The following ST6GAL1 variants were observed in gnomAD, a reference collection of about 807,000 sequenced individuals.
ST6GAL1 encodes ST6 beta-galactoside alpha-2,6-sialyltransferase 1, also known as beta-galactoside alpha-2,6-sialyltransferase 1.
A neutral mutation model predicts 38.0 loss-of-function variants in ST6GAL1; 20 were observed. The ratio of observed to expected loss-of-function variants is 0.53; its 90% confidence interval spans 0.37 to 0.77. The LOEUF is 0.77. Ranked by LOEUF, ST6GAL1 falls within the 30% of genes least tolerant of loss-of-function variation. ST6GAL1 has a pLI of 0.00. For missense variants in ST6GAL1, 432 were observed against 496.4 expected (o/e 0.87, Z 1.23); for synonymous variants, 196 against 188.2 (o/e 1.04, Z -0.34).
chr3:186,995,071 TTA>T (rs1180054434), intron 2 of ST6GAL1, among the ~76,000 whole-genome samples: 4 of 152,118 alleles, frequency 2.6e-5, no homozygotes, highest in Non-Finnish European at 5.9e-5. Flanking sequence ...TCCTCAATTA[TTA>T]TATATATATG....
chr3:187,074,242 C>T lies in ST6GAL1; in HGVS notation c.888C>T (p.Leu296=). Residue 296 remains leucine, a synonymous_variant, in exon 7 of 8, where the codon CTC becomes CTT. Coordinates refer to ENST00000169298, the MANE Select transcript of ST6GAL1 (RefSeq NM_173216.2). ...KLHPNQPFYI[L]KPQMPWELWD... is the part of the protein sequence containing the mutation. ...ACCCCAATCAGCCCTTTTACATCCTCAAGCCCCAGATGCCTTGGGAGCTAT... is the reference window on the plus strand; with the variant it reads ...ACCCCAATCAGCCCTTTTACATCCTTAAGCCCCAGATGCCTTGGGAGCTAT... 1 of 1,613,088 alleles carries T rather than the reference C, an allele frequency of 6.2e-7. No individual in the cohort carries two copies. Among genetic ancestry groups the T allele is most frequent in the Non-Finnish European group, 8.5e-7 (1 of 1,179,578 alleles).
chr3:186,994,157 A>C (rs539026249), intron 2 of ST6GAL1, among the ~76,000 whole-genome samples: 123 of 152,286 alleles, frequency 8.1e-4, no homozygotes, highest in African/African-American at 2.9e-3. Flanking sequence ...ACTTTTTTAA[A>C]GTGGAGAGAT....
intron 1 of ST6GAL1, among the ~76,000 whole-genome samples, chr3:186,955,191 T>G (rs1714706902): frequency 6.6e-6 from 1 of 152,216 alleles, no homozygotes; most frequent in Non-Finnish European, 1.5e-5. Context: ...TTGGTCTGTG[T>G]GTCTGTTTCT....
At chr3:186,992,068 C>T (rs1716190647) in intron 2 of ST6GAL1, among the ~76,000 whole-genome samples, 1 of 152,168 alleles carries the variant, frequency 6.6e-6, no homozygotes, top group African/African-American at 2.4e-5. Context: ...AAAACAGTTT[C>T]AGTATCCCGC....
In ST6GAL1 at chr3:187,076,014, CCTG is replaced by C; in HGVS notation, c.*213_*215del. 1 of 645,158 alleles carries C rather than the reference CCTG, an allele frequency of 1.6e-6. No individual in the cohort carries two copies. The highest frequency in any genetic ancestry group is 2.0e-5 in the South Asian group (1 of 49,424). 40.0% of individuals were successfully genotyped at this position (645,158 alleles called of 1,614,324 possible). A position where few individuals can be genotyped will look rare whatever the true frequency, so the allele number is the denominator to read the frequency against. On this transcript the variant is annotated 3_prime_UTR_variant, in exon 8 of 8. Coordinates refer to ENST00000169298, the MANE Select transcript of ST6GAL1 (RefSeq NM_173216.2). ...CAGACAGTTTATGAGCCCAGAGCCT[CCTG>C]CCACACACATGCACACATATCTAGC... is the stretch of plus-strand genomic sequence containing the variant.
chr3:187,073,959 G>A, intron 6 of ST6GAL1, 200 bp from the exon 7 acceptor site: 1 of 472,932 alleles, frequency 2.1e-6, no homozygotes, highest in South Asian at 4.6e-5. Flanking sequence ...ACAGGCTATA[G>A]GCTAGGCCCC....
At chr3:186,953,114 G>T (rs1403986854) in intron 1 of ST6GAL1, among the ~76,000 whole-genome samples, 4 of 152,162 alleles carry the variant, frequency 2.6e-5, no homozygotes, top group Non-Finnish European at 5.9e-5. Context: ...CCTCCTGCTT[G>T]TAGTCTTGCT....
At chr3:187,051,183 G>T (rs374538292) in intron 4 of ST6GAL1, 66 bp from the exon 5 acceptor site, 1 of 1,398,448 alleles carries the variant, frequency 7.2e-7, no homozygotes, top group Non-Finnish European at 1.0e-6. Context: ...CCCGCCTCTC[G>T]TCTTTCTCTT....
intron 1 of ST6GAL1, among the ~76,000 whole-genome samples, chr3:186,951,073 T>G (rs1714560191): frequency 6.6e-6 from 1 of 152,194 alleles, no homozygotes; most frequent in Admixed American, 6.5e-5. Flanking sequence ...AATTCTTTTT[T>G]GTTTATTTTT....
At chr3:186,997,915 G>A (rs1716475874) in intron 2 of ST6GAL1, among the ~76,000 whole-genome samples, 1 of 152,240 alleles carries the variant, frequency 6.6e-6, no homozygotes, top group East Asian at 1.9e-4. Context: ...AGTGTGGGCT[G>A]CATACGTAGT....
At chr3:186,950,579 G>C (rs1371461045) in intron 1 of ST6GAL1, among the ~76,000 whole-genome samples, 2 of 152,234 alleles carry the variant, frequency 1.3e-5, no homozygotes, top group Non-Finnish European at 2.9e-5. Flanking sequence ...CATGTGGATG[G>C]AGGGGCTTCA....
chr3:187,024,335 T>C (rs761202789), intron 2 of ST6GAL1, among the ~76,000 whole-genome samples: 10 of 151,594 alleles, frequency 6.6e-5, no homozygotes, highest in Non-Finnish European at 1.0e-4. Flanking sequence ...CCTCGTGATC[T>C]GCCCGCCTCG....
intron 2 of ST6GAL1, among the ~76,000 whole-genome samples, chr3:186,967,138 G>A (rs1715160575): frequency 6.6e-6 from 1 of 152,164 alleles, no homozygotes; most frequent in Non-Finnish European, 1.5e-5. Flanking sequence ...GAGAAATTAT[G>A]TCTCAAGTAG....
chr3:187,070,032 C>G lies in ST6GAL1; in HGVS notation c.706-2817C>G, dbSNP rs995067889. Among the ~76,000 whole-genome samples the G allele has an allele frequency of 2.0e-5, 3 of 152,142 alleles. No individual in the cohort carries two copies. The East Asian group carries it at 5.8e-4, about 29-fold the overall frequency. ...CACTTTATGGTCCAAAATGACTGCTCAAGCTCCAGCCATCACATCCACATT... is the reference window on the plus strand; with the variant it reads ...CACTTTATGGTCCAAAATGACTGCTGAAGCTCCAGCCATCACATCCACATT... On this transcript the variant is annotated intron_variant, in intron 5 of 7. Transcript: ENST00000169298.
chr3:187,069,249 C>T (rs1393194636), intron 5 of ST6GAL1, among the ~76,000 whole-genome samples: 3 of 152,182 alleles, frequency 2.0e-5, no homozygotes, highest in African/African-American at 7.2e-5. Flanking sequence ...ATTCGCCTGC[C>T]TCAGCCTTCC....
intron 2 of ST6GAL1, among the ~76,000 whole-genome samples, chr3:186,969,572 T>G (rs1425457903): frequency 6.6e-6 from 1 of 152,248 alleles, no homozygotes; most frequent in Non-Finnish European, 1.5e-5. Flanking sequence ...ATTCTACAGA[T>G]AAGTCCTTTA....
chr3:187,039,920 G>A (rs888114394), intron 3 of ST6GAL1, among the ~76,000 whole-genome samples: 3 of 152,216 alleles, frequency 2.0e-5, no homozygotes, highest in African/African-American at 7.2e-5. Context: ...TGAAGGCTGA[G>A]GCTGTCTGAT....
intron 5 of ST6GAL1, 92 bp from the exon 6 acceptor site, chr3:187,072,757 C>T: frequency 8.8e-7 from 1 of 1,137,068 alleles, no homozygotes; most frequent in Non-Finnish European, 1.3e-6. Flanking sequence ...TCTGGGGCCT[C>T]AGGCTGTACC....
intron 1 of ST6GAL1, among the ~76,000 whole-genome samples, chr3:186,938,530 C>T (rs1579252245): frequency 6.6e-6 from 1 of 152,194 alleles, no homozygotes; most frequent in African/African-American, 2.4e-5. Context: ...TCACAAGCCG[C>T]ACACTTTTGC....
Sources: allele counts gnomAD v4.1 joint callset (sites outside exome capture counted in the v4.1 genomes callset), GRCh38; gene constraint gnomAD v4.1.1; transcripts MANE v1.5; gene names NCBI Gene and HGNC (gene_info 2026-07-23, HGNC 2026-07-21).